The following IL4 variants were observed in gnomAD, a reference collection of about 807,000 sequenced individuals.
The protein encoded by IL4 is interleukin 4.
IL4 carries 10 observed loss-of-function variants against 17.4 expected under a neutral mutation model. The ratio of observed to expected loss-of-function variants is 0.57; its 90% CI spans 0.35 to 0.97. The LOEUF is 0.97. Among genes scored for constraint, IL4 ranks in the 50% least tolerant of loss-of-function variants. The pLI is 0.01. For synonymous variants in IL4, 87 were observed against 79.0 expected (o/e 1.10, Z -0.54); for missense variants, 174 against 187.7 (o/e 0.93, Z 0.43).
intron 2 of IL4, among the ~76,000 whole-genome samples, chr5:132,675,021 G>A (rs943631889): frequency 6.6e-6 from 1 of 152,160 alleles, no homozygotes. Context: ...GGGGCTGGCC[G>A]TCCAGAGCTC....
chr5:132,674,926 A>C (rs1752350419), intron 2 of IL4, among the ~76,000 whole-genome samples: 1 of 152,236 alleles, frequency 6.6e-6, no homozygotes, highest in South Asian at 2.1e-4. Flanking sequence ...CATTTTGTCT[A>C]AGAGACTTCC....
chr5:132,675,361 A>G (rs2149879107), intron 2 of IL4, among the ~76,000 whole-genome samples: 1 of 152,336 alleles, frequency 6.6e-6, no homozygotes, highest in African/African-American at 2.4e-5. Context: ...CATGCAAACT[A>G]GGGAGATGAT....
chr5:132,682,447 T>C (rs55857563), intron 3 of IL4, 39 bp from the exon 4 acceptor site: 16 of 1,225,126 alleles, frequency 1.3e-5, no homozygotes, highest in Non-Finnish European at 1.8e-5. Context: ...GCAAGACAAA[T>C]GCTTACCAAT....
intron 2 of IL4, among the ~76,000 whole-genome samples, chr5:132,674,907 G>A (rs1012894805): frequency 1.1e-4 from 17 of 152,184 alleles, no homozygotes; most frequent in African/African-American, 1.4e-4. Flanking sequence ...GACAGGTTGA[G>A]GGAGCTTTCA....
At chr5:132,681,477 G>A (rs577948503) in intron 3 of IL4, among the ~76,000 whole-genome samples, 4 of 152,292 alleles carry the variant, frequency 2.6e-5, no homozygotes, top group East Asian at 1.9e-4. Flanking sequence ...ATAGGGTGGC[G>A]AGAGGAGACA....
rs1004594319 is a variant in IL4, at chr5:132,680,869, A to G, written c.360+979A>G. On this transcript the variant is annotated intron_variant, in intron 3 of 3. Coordinates refer to ENST00000231449, the MANE Select transcript of IL4 (RefSeq NM_000589.4). The surrounding 1 kb of genome is among the most constrained non-coding windows in gnomAD (Gnocchi z 4.3). ...AAGGATTTGCTGACAGATCGGTTGT[A>G]GGGGGTAAGATACAGGGGAGGAAAA... Among the ~76,000 whole-genome samples, 9 of 152,226 alleles carry G rather than the reference A, an allele frequency of 5.9e-5. No homozygotes were observed. Among genetic ancestry groups the G allele is most frequent in the Admixed American group, 1.3e-4 (2 of 15,284 alleles).
rs1390770628 is a variant in IL4 at position 132,680,473 on chromosome 5, G to C, written c.360+583G>C. ...TAGATTCCACCACGAGTATGGCAGG[G>C]AACACCTGCAGAGCTTTGGGCAGGA... On this transcript the variant is annotated intron_variant, in intron 3 of 3. Transcript: ENST00000231449. The surrounding 1 kb of genome is among the most constrained non-coding windows in gnomAD (Gnocchi z 4.3). Among the ~76,000 whole-genome samples, 3 of 152,238 alleles carry C rather than the reference G, an allele frequency of 2.0e-5. No individual in the cohort carries two copies. The highest frequency in any genetic ancestry group is 2.9e-5 in the Non-Finnish European group (2 of 68,048).
rs376073510 is a variant in IL4 at position 132,682,603 on chromosome 5, A to G, written c.*16A>G. 2 of 1,260,016 alleles carry G rather than the reference A, an allele frequency of 1.6e-6. No individual in the cohort carries two copies. The highest frequency in any genetic ancestry group is 1.5e-5 in the African/African-American group (1 of 66,894). 78.1% of individuals were successfully genotyped at this position (1,260,016 alleles called of 1,614,324 possible). On this transcript the variant is annotated 3_prime_UTR_variant, in exon 4 of 4. Coordinates refer to ENST00000231449, the MANE Select transcript of IL4 (RefSeq NM_000589.4). The stretch of plus-strand genomic sequence containing the variant: ...TTCGAGCTGAATATTTTAATTTATG[A>G]GTTTTTGATAGCTTTATTTTTTAAG...
chr5:132,674,296 C>T, intron 1 of IL4, 111 bp downstream of exon 1: 1 of 1,378,914 alleles, frequency 7.3e-7, no homozygotes, highest in Non-Finnish European at 1.0e-6. Flanking sequence ...TGGTTGGTGG[C>T]AGTCCAGGGC....
At chr5:132,677,289 A>G (rs1439343731) in intron 2 of IL4, among the ~76,000 whole-genome samples, 3 of 152,164 alleles carry the variant, frequency 2.0e-5, no homozygotes, top group African/African-American at 7.2e-5. Flanking sequence ...CTGTTTCCTG[A>G]CATTCCCGGG....
Position 132,675,849 on chromosome 5 carries a change from ATG to A in IL4, c.183+1371_183+1372del, listed in dbSNP as rs58175446. Among the ~76,000 whole-genome samples, 298 of 145,006 alleles carry A rather than the reference ATG, an allele frequency of 2.1e-3. 3 individuals are homozygous for A. The highest frequency in any genetic ancestry group is 5.4e-3 in the African/African-American group (209 of 38,656). On this transcript the variant is annotated intron_variant, in intron 2 of 3. Coordinates refer to ENST00000231449, the MANE Select transcript of IL4 (RefSeq NM_000589.4). Reference sequence around the variant, plus strand: ...AGCCACTGCACCTGGGCAACAGTTTATGTGTGTGTGTGTGTGTGTGTGTGTGT... The same window carrying A: ...AGCCACTGCACCTGGGCAACAGTTTATGTGTGTGTGTGTGTGTGTGTGTGT...
chr5:132,679,399 T>C (rs907471865), intron 2 of IL4, among the ~76,000 whole-genome samples: 4 of 152,182 alleles, frequency 2.6e-5, no homozygotes, highest in African/African-American at 9.7e-5. Flanking sequence ...TGGTCCTGCA[T>C]TCTAGTCCCC....
intron 2 of IL4, among the ~76,000 whole-genome samples, chr5:132,676,149 G>T (rs1752380808): frequency 6.6e-6 from 1 of 152,114 alleles, no homozygotes; most frequent in Non-Finnish European, 1.5e-5. Flanking sequence ...AAGACTGCCT[G>T]TGGTTTTAGA....
At chr5:132,678,065 C>G (rs1278893505) in intron 2 of IL4, among the ~76,000 whole-genome samples, 1 of 152,252 alleles carries the variant, frequency 6.6e-6, no homozygotes, top group Non-Finnish European at 1.5e-5. Flanking sequence ...ATTCTGGTGC[C>G]TCAGTCTGGG....
At position 132,675,929 on chromosome 5, in the gene IL4, A is replaced by ATATGTGTGTGTGTGTGTGTG. The variant is rs150233516; in HGVS notation, c.183+1424_183+1425insATGTGTGTGTGTGTGTGTGT. On this transcript the variant is annotated intron_variant, in intron 2 of 3. Coordinates refer to ENST00000231449, the MANE Select transcript of IL4 (RefSeq NM_000589.4). ...TGTGTATGTATATATGTGTATGTAT[A>ATATGTGTGTGTGTGTGTGTG]TGTGTGTGTGTGTGTGTGTGTGTGT... is the stretch of plus-strand genomic sequence containing the variant. Among the ~76,000 whole-genome samples, 478 of 141,048 alleles carry ATATGTGTGTGTGTGTGTGTG rather than the reference A, an allele frequency of 3.4e-3. 8 individuals are homozygous for ATATGTGTGTGTGTGTGTGTG. The highest frequency in any genetic ancestry group is 0.012 in the African/African-American group (455 of 36,736). 92.5% of individuals were successfully genotyped at this position (141,048 alleles called of 152,430 possible).
intron 3 of IL4, among the ~76,000 whole-genome samples, chr5:132,681,177 C>T (rs1007784574): frequency 6.7e-6 from 1 of 150,022 alleles, no homozygotes; most frequent in African/African-American, 2.5e-5. Flanking sequence ...AGGGAGAGAT[C>T]AAAGGACTGA....
At chr5:132,677,277 G>A (rs749986788) in intron 2 of IL4, among the ~76,000 whole-genome samples, 1 of 152,136 alleles carries the variant, frequency 6.6e-6, no homozygotes, top group Non-Finnish European at 1.5e-5. Context: ...TCTCCCAAGT[G>A]GCTGTTTCCT....
chr5:132,682,361 G>A (rs950598559), intron 3 of IL4, 125 bp from the exon 4 acceptor site: 1 of 620,352 alleles, frequency 1.6e-6, no homozygotes, highest in African/African-American at 1.9e-5. Flanking sequence ...TCCCAGTCAG[G>A]CTAGACTGGA....
chr5:132,676,020 G>C (rs1752378543), intron 2 of IL4, among the ~76,000 whole-genome samples: 1 of 151,484 alleles, frequency 6.6e-6, no homozygotes, highest in African/African-American at 2.4e-5. Context: ...CCACCGGGTT[G>C]AGCACTGGGT....
Sources: gnomAD v4.1 joint callset for allele counts (sites outside exome capture counted in the v4.1 genomes callset) on GRCh38, gnomAD v4.1.1 for gene constraint, Gnocchi (gnomAD v3.1) non-coding constraint, MANE v1.5 for transcripts, NCBI Gene and HGNC (gene_info 2026-07-23, HGNC 2026-07-21) for gene names.